Variants in PTGFRN observed in about 807,000 individuals in gnomAD.
PTGFRN encodes the protein prostaglandin F2 receptor inhibitor.
PTGFRN carries 35 observed loss-of-function variants against 83.2 expected under a neutral mutation model. The observed-to-expected ratio is 0.42, with a 90% CI of 0.32 to 0.56. The LOEUF (loss-of-function observed/expected upper bound fraction) is 0.56. PTGFRN is among the 20% of genes least tolerant of loss of function. PTGFRN has a pLI of 0.11. For missense variants in PTGFRN, 1,051 were observed against 1,179.5 expected, an observed-to-expected ratio of 0.89 and a Z score of 1.60; for synonymous variants, 519 against 498.6, an observed-to-expected ratio of 1.04 and a Z score of -0.55.
intron 4 of PTGFRN, among the ~76,000 whole-genome samples, chr1:116,960,988 G>A (rs1437673364): frequency 6.6e-6 from 1 of 152,150 alleles, no homozygotes; most frequent in Non-Finnish European, 1.5e-5. Flanking sequence ...TCAAGATTCT[G>A]GCCGAGGACA....
intron 3 of PTGFRN, among the ~76,000 whole-genome samples, chr1:116,947,088 ACT>A (rs891282481): frequency 1.3e-5 from 2 of 152,102 alleles, no homozygotes; most frequent in African/African-American, 4.8e-5. Context: ...AAGTTCACAG[ACT>A]CTAAATTCTC....
intron 1 of PTGFRN, among the ~76,000 whole-genome samples, chr1:116,934,888 C>A (rs1649883319): frequency 6.6e-6 from 1 of 152,188 alleles, no homozygotes; most frequent in Admixed American, 6.5e-5. Flanking sequence ...GTCTTTTAGT[C>A]TTGATGAGAG....
chr1:116,909,999 G>A lies in PTGFRN; in HGVS notation c.-205G>A, dbSNP rs1229331614. ...CGGGCCCGGCCGGCTGGAGGAGGGA[G>A]GGAAGGAGGCGGGAGGGAGCGAGCG... On this transcript the variant is annotated 5_prime_UTR_variant, in exon 1 of 9. Transcript: ENST00000393203. The A allele has an allele frequency of 6.3e-6, 4 of 637,724 alleles. No homozygotes were observed. The highest frequency in any genetic ancestry group is 1.9e-5 in the African/African-American group (1 of 52,268). The allele number at this position is 637,724 out of a possible 1,614,324, so 39.5% of individuals were successfully genotyped here.
intron 6 of PTGFRN, among the ~76,000 whole-genome samples, chr1:116,971,456 CCCTAGTGACT>C (rs2101083204): frequency 6.6e-6 from 1 of 152,172 alleles, no homozygotes; most frequent in African/African-American, 2.4e-5. Context: ...ATTGGGGGAC[CCCTAGTGACT>C]CCGGTTGTTC....
At chr1:116,934,847 A>G (rs1014313866) in intron 1 of PTGFRN, among the ~76,000 whole-genome samples, 6 of 152,150 alleles carry the variant, frequency 3.9e-5, no homozygotes, top group Admixed American at 1.3e-4. Flanking sequence ...GCTCATCTTT[A>G]TCCAATGAGG....
intron 4 of PTGFRN, among the ~76,000 whole-genome samples, chr1:116,953,522 C>T (rs1650400003): frequency 6.6e-6 from 1 of 151,716 alleles, no homozygotes; most frequent in African/African-American, 2.4e-5. Flanking sequence ...TATGATAATG[C>T]ATATAAAGTG....
At position 116,911,542 on chromosome 1, in the gene PTGFRN, A is replaced by G. The variant is rs150748354; in HGVS notation, c.49+1290A>G. Among the ~76,000 whole-genome samples, 435 of 152,282 alleles carry G rather than the reference A, an allele frequency of 2.9e-3. 3 individuals are homozygous for G. The highest frequency in any genetic ancestry group is 0.01 in the African/African-American group (419 of 41,556). On this transcript the variant is annotated intron_variant, in intron 1 of 8. Transcript: ENST00000393203. Reference sequence around the variant, plus strand: ...ATTTTCTGAACTGACTCCCTCAGAGAGCTCGTCCAGCCACATTGCTTCAGC... The same window carrying G: ...ATTTTCTGAACTGACTCCCTCAGAGGGCTCGTCCAGCCACATTGCTTCAGC...
Position 116,984,901 on chromosome 1 carries a change from C to T in PTGFRN, c.2389C>T (p.Pro797Ser), listed in dbSNP as rs532216050. Residue 797 changes from proline (P) to serine (S), a missense_variant, in exon 8 of 9, where the codon CCA becomes TCA. Physicochemically the swap from Pro to Ser is moderately conservative, Grantham distance 74. Transcript: ENST00000393203. ...DFGNYYCSVT[P>S]WVKSPTGSWQ... ...TGGCAACTACTACTGTTCCGTGACT[C>T]CATGGGTGAAGTCACCAACAGGTTC... 1.1e-4 allele frequency: 174 copies of T among 1,614,152 alleles called. 2 individuals are homozygous for T. The South Asian group carries it at 1.5e-3, about 14-fold the overall frequency.
At chr1:116,966,153 G>A (rs1050933758) in intron 5 of PTGFRN, among the ~76,000 whole-genome samples, 1 of 152,212 alleles carries the variant, frequency 6.6e-6, no homozygotes, top group Admixed American at 6.5e-5. Context: ...AGTGCCTGAC[G>A]TTGTGCTACT....
intron 1 of PTGFRN, among the ~76,000 whole-genome samples, chr1:116,932,552 T>C (rs1649825480): frequency 6.6e-6 from 1 of 152,212 alleles, no homozygotes; most frequent in Non-Finnish European, 1.5e-5. Flanking sequence ...TTAAAGTTGG[T>C]ATCACTTAAA....
chr1:116,969,274 G>C (rs75151654), intron 6 of PTGFRN, among the ~76,000 whole-genome samples: 1 of 151,996 alleles, frequency 6.6e-6, no homozygotes, highest in African/African-American at 2.4e-5. Flanking sequence ...GTTAATTTTT[G>C]TATGTGGTTA....
chr1:116,964,850 A>G (rs1388213595), intron 5 of PTGFRN, among the ~76,000 whole-genome samples: 1 of 152,236 alleles, frequency 6.6e-6, no homozygotes, highest in African/African-American at 2.4e-5. Context: ...GAATCTGGCT[A>G]CTTTTCACAC....
At chr1:116,921,371 C>T (rs943139213) in intron 1 of PTGFRN, among the ~76,000 whole-genome samples, 3 of 152,166 alleles carry the variant, frequency 2.0e-5, no homozygotes, top group African/African-American at 4.8e-5. Flanking sequence ...TACAACTATT[C>T]GTTTTCCCAT....
intron 4 of PTGFRN, among the ~76,000 whole-genome samples, chr1:116,951,748 G>C (rs1005188768): frequency 6.6e-6 from 1 of 152,062 alleles, no homozygotes; most frequent in Non-Finnish European, 1.5e-5. Flanking sequence ...CTTGTCAGGA[G>C]CGGGTAGGGC....
intron 4 of PTGFRN, among the ~76,000 whole-genome samples, chr1:116,960,403 A>C (rs1208988101): frequency 6.6e-6 from 1 of 152,196 alleles, no homozygotes; most frequent in Non-Finnish European, 1.5e-5. Context: ...ATGGAGGTGC[A>C]GAAATGGATT....
intron 1 of PTGFRN, among the ~76,000 whole-genome samples, chr1:116,919,444 C>T (rs1649486910): frequency 6.6e-6 from 1 of 152,106 alleles, no homozygotes; most frequent in Admixed American, 6.5e-5. Context: ...GTCACCCAGG[C>T]TGGAGTGTAA....
chr1:116,937,190 G>A (rs1019293071), intron 1 of PTGFRN, among the ~76,000 whole-genome samples: 1 of 152,168 alleles, frequency 6.6e-6, no homozygotes, highest in African/African-American at 2.4e-5. Context: ...GCAGAGCATG[G>A]CTGGAGTATA....
intron 6 of PTGFRN, among the ~76,000 whole-genome samples, chr1:116,971,561 G>T (rs1650992522): frequency 6.6e-6 from 1 of 152,154 alleles, no homozygotes; most frequent in Admixed American, 6.5e-5. Context: ...CACAGAAATT[G>T]ACCATAATGA....
intron 6 of PTGFRN, 100 bp downstream of exon 6, chr1:116,967,430 A>G (rs928126642): frequency 4.1e-6 from 5 of 1,213,374 alleles, no homozygotes; most frequent in African/African-American, 1.5e-5. Flanking sequence ...TTAAGATGCA[A>G]TTCATATGCC....
Sources: gnomAD v4.1 joint callset for allele counts (sites outside exome capture counted in the v4.1 genomes callset) on GRCh38, gnomAD v4.1.1 for gene constraint, MANE v1.5 for transcripts, NCBI Gene and HGNC (gene_info 2026-07-23, HGNC 2026-07-21) for gene names.